NRXN3: variants seen among roughly 807,000 people sequenced by gnomAD.
The protein encoded by NRXN3 is neurexin III.
In NRXN3, 32 loss-of-function variants were observed where a neutral mutation model predicts 137.6. The observed-to-expected ratio is 0.23, with a 90% CI of 0.18 to 0.31. The LOEUF is 0.31. Among genes scored for constraint, NRXN3 ranks in the 10% least tolerant of loss-of-function variants. The probability of loss-of-function intolerance (pLI) is 1.00; values close to 1 mark genes in which losing one functional copy is unlikely to be tolerated. For missense variants in NRXN3, 1,574 were observed against 2,062.5 expected (o/e 0.76, Z 4.59); for synonymous variants, 798 against 784.5 (o/e 1.02, Z -0.29).
chr14:78,616,210 A>T (rs1219290792), intron 4 of NRXN3, among the ~76,000 whole-genome samples: 1 of 152,136 alleles, frequency 6.6e-6, no homozygotes, highest in Non-Finnish European at 1.5e-5. Flanking sequence ...TTTTCTTAGG[A>T]TAAAGTCCAA....
chr14:78,769,518 T>A, intron 8 of NRXN3, among the ~76,000 whole-genome samples: 1 of 152,184 alleles, frequency 6.6e-6, no homozygotes, highest in East Asian at 1.9e-4. Flanking sequence ...GCAGAGCAAT[T>A]TTCTCTAAGG....
rs149375445 is a variant in NRXN3, at chr14:78,486,462, A to G, written c.758-158658A>G. On this transcript the variant is annotated intron_variant, in intron 4 of 20. Coordinates refer to ENST00000335750, the MANE Select transcript of NRXN3 (RefSeq NM_001330195.2). ...TGCCTTTGGTTTTTCTTTGATCTGG[A>G]GGATCATAGGAGGCAAGTGTGGAAA... Among the ~76,000 whole-genome samples the G allele has an allele frequency of 4.6e-3, 703 of 152,206 alleles. 11 individuals are homozygous for G. The highest frequency in any genetic ancestry group is 0.016 in the African/African-American group (668 of 41,516).
intron 15 of NRXN3, among the ~76,000 whole-genome samples, chr14:79,125,612 G>A (rs113460851): frequency 2.0e-5 from 3 of 152,062 alleles, no homozygotes; most frequent in Non-Finnish European, 2.9e-5. Context: ...AATAGCCCTC[G>A]AATATGGACT....
intron 4 of NRXN3, chr14:78,300,698 C>T (rs1265635065): frequency 1.3e-6 from 2 of 1,522,558 alleles, no homozygotes; most frequent in African/African-American, 1.4e-5. Context: ...AAAGGTAGAG[C>T]TCACTTTATT....
intron 10 of NRXN3, among the ~76,000 whole-genome samples, chr14:78,953,350 G>T (rs551259803): frequency 6.6e-6 from 1 of 152,114 alleles, no homozygotes; most frequent in Non-Finnish European, 1.5e-5. Context: ...GGTTCCATAG[G>T]GTTACTGTAG....
intron 20 of NRXN3, among the ~76,000 whole-genome samples, chr14:79,814,611 T>G (rs1052662595): frequency 5.9e-5 from 9 of 152,198 alleles, no homozygotes; most frequent in African/African-American, 2.2e-4. Context: ...TTTGGTATGA[T>G]TAAATGGGCT....
intron 16 of NRXN3, among the ~76,000 whole-genome samples, chr14:79,508,717 A>C (rs2096903943): frequency 6.6e-6 from 1 of 152,018 alleles, no homozygotes; most frequent in Non-Finnish European, 1.5e-5. Flanking sequence ...TTTTTTAAAG[A>C]AACATACTCA....
intron 15 of NRXN3, among the ~76,000 whole-genome samples, chr14:79,445,305 A>G (rs1374547091): frequency 6.6e-6 from 1 of 151,284 alleles, no homozygotes; most frequent in Non-Finnish European, 1.5e-5. Flanking sequence ...ACGCCACTGC[A>G]CTCCAGCCTG....
At chr14:79,257,265 T>C (rs1197757149) in intron 15 of NRXN3, among the ~76,000 whole-genome samples, 1 of 149,148 alleles carries the variant, frequency 6.7e-6, no homozygotes, top group African/African-American at 2.5e-5. Context: ...AAGTAACAAG[T>C]ATCAGATAGT....
intron 10 of NRXN3, among the ~76,000 whole-genome samples, chr14:78,930,299 T>G (rs931457518): frequency 6.6e-6 from 1 of 152,124 alleles, no homozygotes; most frequent in Non-Finnish European, 1.5e-5. Context: ...AGAAGTGAAG[T>G]GGATTAACAA....
rs755891630 is a variant in NRXN3 at position 79,805,182 on chromosome 14, C to T, written c.4085C>T (p.Pro1362Leu). 10 of 1,613,168 alleles carry T rather than the reference C, an allele frequency of 6.2e-6. No homozygotes were observed. The South Asian group carries it at 8.8e-5, about 14-fold the overall frequency. ...SDDEDFVECE[P>L]STDKSLSTSI... ...GATGAAGACTTTGTTGAATGTGAGC[C>T]GAGTACAGGTAGGTCAGGTCAGTCT... The change falls in exon 20 of 21, where the codon CCG (proline) becomes CTG (leucine). Residue 1362 changes from proline to leucine, a missense_variant. Coordinates refer to ENST00000335750, the MANE Select transcript of NRXN3 (RefSeq NM_001330195.2).
At chr14:79,302,542 G>A (rs1312531708) in intron 15 of NRXN3, among the ~76,000 whole-genome samples, 1 of 151,830 alleles carries the variant, frequency 6.6e-6, no homozygotes, top group Non-Finnish European at 1.5e-5. Flanking sequence ...ATTTCAAGGA[G>A]GGCATGATAT....
At chr14:78,971,556 T>C (rs1447300666) in intron 14 of NRXN3, among the ~76,000 whole-genome samples, 1 of 152,066 alleles carries the variant, frequency 6.6e-6, no homozygotes, top group African/African-American at 2.4e-5. Flanking sequence ...TGTGTTACCT[T>C]CCCTATTATA....
chr14:78,304,242 A>G (rs1293809229), intron 4 of NRXN3, among the ~76,000 whole-genome samples: 1 of 152,208 alleles, frequency 6.6e-6, no homozygotes, highest in Non-Finnish European at 1.5e-5. Flanking sequence ...GTCAGAGGGA[A>G]AATTTTATAG....
At chr14:79,498,766 A>G (rs1032479787) in intron 16 of NRXN3, among the ~76,000 whole-genome samples, 110 of 152,150 alleles carry the variant, frequency 7.2e-4, no homozygotes, top group African/African-American at 2.5e-3. Flanking sequence ...TCCAGCTGGT[A>G]TGTTTGTTTC....
At chr14:78,829,152 G>C (rs912362114) in intron 10 of NRXN3, among the ~76,000 whole-genome samples, 6 of 152,130 alleles carry the variant, frequency 3.9e-5, no homozygotes, top group African/African-American at 1.4e-4. Flanking sequence ...TCTCTATCTT[G>C]AACTGTCCCC....
At chr14:78,582,949 C>T (rs906589791) in intron 4 of NRXN3, among the ~76,000 whole-genome samples, 3 of 152,130 alleles carry the variant, frequency 2.0e-5, no homozygotes, top group Non-Finnish European at 2.9e-5. Context: ...CCCAGGCGTA[C>T]ACAGGTGTGT....
intron 6 of NRXN3, among the ~76,000 whole-genome samples, chr14:78,653,992 C>T (rs1247920173): frequency 6.6e-6 from 1 of 152,228 alleles, no homozygotes; most frequent in Admixed American, 6.5e-5. Flanking sequence ...TAAACTCCTG[C>T]CCCGTCTGTT....
At chr14:79,828,651 C>CT (rs199609069) in intron 20 of NRXN3, among the ~76,000 whole-genome samples, 22 of 110,718 alleles carry the variant, frequency 2.0e-4, no homozygotes, top group Admixed American at 3.3e-4. Flanking sequence ...GTAAAATTGT[C>CT]TTTTTTTTTT....
Sources: allele counts gnomAD v4.1 joint callset (sites outside exome capture counted in the v4.1 genomes callset), GRCh38; gene constraint gnomAD v4.1.1; transcripts MANE v1.5; gene names NCBI Gene and HGNC (gene_info 2026-07-23, HGNC 2026-07-21).